ZNF473: variants seen among roughly 807,000 people sequenced by gnomAD.
ZNF473 encodes the protein zinc finger protein 100 homolog.
Under a neutral mutation model 11.1 loss-of-function variants are expected in ZNF473, and 4 were observed. The ratio of observed to expected loss-of-function variants is 0.36; its 90% CI spans 0.18 to 0.82. ZNF473 has a LOEUF of 0.82. ZNF473 is among the 40% of genes least tolerant of loss of function. The pLI is 0.49. For synonymous variants in ZNF473, 404 were observed against 390.4 expected (o/e 1.03, Z -0.41); for missense variants, 854 against 1,084.0 (o/e 0.79, Z 2.98).
chr19:50,037,826 C>T (rs943000298), intron 2 of ZNF473, among the ~76,000 whole-genome samples: 3 of 149,700 alleles, frequency 2.0e-5, no homozygotes, highest in African/African-American at 7.6e-5. Context: ...CTCGCTCGCT[C>T]TCTCTCTCTG....
In ZNF473 at chr19:50,034,432, G is replaced by A. The variant is rs991552639; in HGVS notation, c.9+3341G>A. Among the ~76,000 whole-genome samples, 61 of 151,986 alleles carry A rather than the reference G, an allele frequency of 4.0e-4. 1 individual carries two copies. The highest frequency in any genetic ancestry group is 4.0e-3 in the Admixed American group (61 of 15,250). On this transcript the variant is annotated intron_variant, in intron 2 of 4. Coordinates refer to ENST00000270617, the MANE Select transcript of ZNF473 (RefSeq NM_015428.4). ...AAGTTTTTTTATTGTAAAATCACAGGTGCAGAAATGCACACACATCAAATG... is the reference window on the plus strand; with the variant it reads ...AAGTTTTTTTATTGTAAAATCACAGATGCAGAAATGCACACACATCAAATG...
At position 50,039,225 on chromosome 19, in the gene ZNF473, T is replaced by C. The variant is rs1978638030; in HGVS notation, c.74T>C (p.Leu25Pro). 1.2e-6 allele frequency: 2 copies of C among 1,614,072 alleles called. No individual in the cohort carries two copies. The highest frequency in any genetic ancestry group is 2.2e-5 in the South Asian group (2 of 91,088). The change falls in exon 3 of 5, where the codon CTG becomes CCG. Residue 25 changes from leucine to proline, a missense_variant. Transcript: ENST00000270617. The surrounding 1 kb of genome is among the most constrained non-coding windows in gnomAD (Gnocchi z 4.8). ...TTGGGAGACTGGGAGCAGCTCGGGC[T>C]GGAACAGGGGGACACGTTCTGGGAC... ...FTLGDWEQLG[L>P]EQGDTFWDTA... is the part of the protein sequence containing the mutation.
chr19:50,046,063 A>G lies in ZNF473; in HGVS notation c.1620A>G (p.Glu540=). The stretch of plus-strand genomic sequence containing the variant: ...GCCACGAGAGTGTTCACGCCAGAGA[A>G]AAACAAGGATTTTTTGTGAGTGGGA... ...LKCHESVHAR[E]KQGFFVSGKI... is the part of the protein sequence containing the mutation. The change falls in exon 5 of 5, where the codon GAA becomes GAG. Residue 540 remains glutamate, a synonymous_variant. Transcript: ENST00000270617. This position sits in a 1 kb window ranked among gnomAD's most constrained non-coding sequence, Gnocchi z 5.9. 6.2e-7 allele frequency: 1 copy of G among 1,614,230 alleles called. No homozygotes were observed. Among genetic ancestry groups the G allele is most frequent in the East Asian group, 2.2e-5 (1 of 44,890 alleles).
chr19:50,027,924 G>A (rs903291359), intron 1 of ZNF473, among the ~76,000 whole-genome samples: 1 of 152,112 alleles, frequency 6.6e-6, no homozygotes, highest in Non-Finnish European at 1.5e-5. Context: ...CCAAACTTCA[G>A]GTGATCCGCC....
chr19:50,029,637 C>T (rs59552263), intron 1 of ZNF473, among the ~76,000 whole-genome samples: 7,995 of 152,254 alleles, frequency 0.053, 694 homozygotes, highest in African/African-American at 0.18. Flanking sequence ...ACTTGGTCCA[C>T]GCAGTGGATA....
chr19:50,041,488 G>A (rs936271057), intron 3 of ZNF473: 1 of 322,058 alleles, frequency 3.1e-6, no homozygotes, highest in Non-Finnish European at 5.7e-6. Flanking sequence ...TGTATCCCCA[G>A]CCCCAGCTGT....
At chr19:50,038,191 A>AATTTAT (rs1568407302) in intron 2 of ZNF473, among the ~76,000 whole-genome samples, 9 of 143,072 alleles carry the variant, frequency 6.3e-5, no homozygotes, top group African/African-American at 2.4e-4. Context: ...ATAAATTTAT[A>AATTTAT]AATTTATAAA....
chr19:50,036,811 G>T (rs1159260890), intron 2 of ZNF473, among the ~76,000 whole-genome samples: 1 of 152,134 alleles, frequency 6.6e-6, no homozygotes. Context: ...TCCACCAGCA[G>T]GACGACCCTC....
At position 50,034,972 on chromosome 19, in the gene ZNF473, T is replaced by C. The variant is rs578253330; in HGVS notation, c.9+3881T>C. 1.2e-4 allele frequency among the ~76,000 whole-genome samples: 18 copies of C among 152,308 alleles called. No individual in the cohort carries two copies. The South Asian group carries it at 2.3e-3, about 19-fold the overall frequency. Reference sequence around the variant, plus strand: ...TTGCAAAATGGCGCTATCATTTCTTTTCATGTATTAGTTGGAACACTTTAC... The same window carrying C: ...TTGCAAAATGGCGCTATCATTTCTTCTCATGTATTAGTTGGAACACTTTAC... On this transcript the variant is annotated intron_variant, in intron 2 of 4. Transcript: ENST00000270617.
At position 50,048,509 on chromosome 19, in the gene ZNF473, T is replaced by C. The variant is rs1402126937; in HGVS notation, c.*1450T>C. 6.6e-6 allele frequency: 1 copy of C among 152,212 alleles called. No individual in the cohort carries two copies. The highest frequency in any genetic ancestry group is 2.4e-5 in the African/African-American group (1 of 41,444). The allele number at this position is 152,212 out of a possible 1,614,324, so 9.4% of individuals were successfully genotyped here. On this transcript the variant is annotated 3_prime_UTR_variant, in exon 5 of 5. Coordinates refer to ENST00000270617, the MANE Select transcript of ZNF473 (RefSeq NM_015428.4). ...CTAACCATTGGGGCCTTACACTGTTTTTCAAATGGTTGCAACATTTAACTT... is the reference window on the plus strand; with the variant it reads ...CTAACCATTGGGGCCTTACACTGTTCTTCAAATGGTTGCAACATTTAACTT...
chr19:50,027,192 G>A (rs2077289472), intron 1 of ZNF473, among the ~76,000 whole-genome samples: 1 of 151,990 alleles, frequency 6.6e-6, no homozygotes, highest in Admixed American at 6.6e-5. Context: ...GAGGAATCTG[G>A]GCCAGTTTTT....
intron 1 of ZNF473, among the ~76,000 whole-genome samples, chr19:50,030,616 G>C (rs2077312732): frequency 6.6e-6 from 1 of 152,148 alleles, no homozygotes; most frequent in Non-Finnish European, 1.5e-5. Flanking sequence ...AGACACCTTC[G>C]TTCTGTCAAC....
chr19:50,028,702 T>G (rs765759426), intron 1 of ZNF473, among the ~76,000 whole-genome samples: 1 of 152,124 alleles, frequency 6.6e-6, no homozygotes, highest in Non-Finnish European at 1.5e-5. Flanking sequence ...CCTAGGATGT[T>G]TCAGAAGTTG....
intron 2 of ZNF473, among the ~76,000 whole-genome samples, chr19:50,036,481 T>G (rs1301034808): frequency 3.8e-5 from 3 of 78,524 alleles, no homozygotes; most frequent in Admixed American, 2.2e-4. Flanking sequence ...GCCCAGCTAA[T>G]TTTTTTTTTT....
chr19:50,045,096 T>A lies in ZNF473; in HGVS notation c.653T>A (p.Phe218Tyr). 1 of 1,614,158 alleles carries A rather than the reference T, an allele frequency of 6.2e-7. No individual in the cohort carries two copies. Among genetic ancestry groups the A allele is most frequent in the Non-Finnish European group, 8.5e-7 (1 of 1,180,006 alleles). Reference protein sequence around the residue: ...PYQCSECGKSFSGSYRLTQHW... With the variant: ...PYQCSECGKSYSGSYRLTQHW... ...CAATGTAGTGAATGTGGGAAAAGCT[T>A]CAGTGGGAGTTACCGTCTTACCCAG... The change falls in exon 5 of 5, where the codon TTC (phenylalanine) becomes TAC (tyrosine). Residue 218 changes from phenylalanine (F) to tyrosine (Y), a missense_variant. Phe to Tyr is a conservative substitution (Grantham distance 22). This residue lies in a region of ZNF473 where 668 missense variants were observed against 790.2 expected (regional missense o/e 0.85). Coordinates refer to ENST00000270617, the MANE Select transcript of ZNF473 (RefSeq NM_015428.4).
At chr19:50,027,248 A>G (rs1159995173) in intron 1 of ZNF473, among the ~76,000 whole-genome samples, 1 of 152,196 alleles carries the variant, frequency 6.6e-6, no homozygotes, top group Non-Finnish European at 1.5e-5. Flanking sequence ...ATTCACACTT[A>G]TGAGAACATT....
At chr19:50,040,614 C>A (rs1978714700) in intron 3 of ZNF473, 1 of 152,304 alleles carries the variant, frequency 6.6e-6, no homozygotes, top group South Asian at 2.1e-4. Flanking sequence ...GCAGCAGGGC[C>A]CAGACTCCAG....
rs1393050411 is a variant in ZNF473, at chr19:50,046,341, T to A, written c.1898T>A (p.Leu633His). ...GGGAAAGCCATCAGCAGTGCCTCCCTTATCAAACTTCAGTCCTTCCACACA... is the reference window on the plus strand; with the variant it reads ...GGGAAAGCCATCAGCAGTGCCTCCCATATCAAACTTCAGTCCTTCCACACA... ...EQGKAISSAS[L>H]IKLQSFHTKE... The change falls in exon 5 of 5, where the codon CTT becomes CAT. Residue 633 changes from leucine (L) to histidine (H), a missense_variant. By Grantham distance (99) the Leu-to-His change is moderately conservative (BLOSUM62 -3). Coordinates refer to ENST00000270617, the MANE Select transcript of ZNF473 (RefSeq NM_015428.4). This position sits in a 1 kb window ranked among gnomAD's most constrained non-coding sequence, Gnocchi z 5.9. The A allele has an allele frequency of 6.2e-7, 1 of 1,614,156 alleles. No individual in the cohort carries two copies. Among genetic ancestry groups the A allele is most frequent in the South Asian group, 1.1e-5 (1 of 91,084 alleles).
rs1191867783 is a variant in ZNF473, at chr19:50,039,874, TC to T, written c.136+591del. Among the ~76,000 whole-genome samples the T allele has an allele frequency of 2.0e-5, 3 of 152,146 alleles. No individual in the cohort carries two copies. Among genetic ancestry groups the T allele is most frequent in the African/African-American group, 7.2e-5 (3 of 41,420 alleles). ...GGGAGCTGTGTGAGGACAGGGCGTG[TC>T]CCCAGTGTTTGGAACGAACAGTACC... is the stretch of plus-strand genomic sequence containing the variant. On this transcript the variant is annotated intron_variant, in intron 3 of 4. Transcript: ENST00000270617. This position sits in a 1 kb window ranked among gnomAD's most constrained non-coding sequence, Gnocchi z 4.8.
Sources: allele counts gnomAD v4.1 joint callset (sites outside exome capture counted in the v4.1 genomes callset), GRCh38; gene constraint gnomAD v4.1.1; regional missense constraint gnomAD v4.1.1; non-coding constraint Gnocchi (gnomAD v3.1); transcripts MANE v1.5; gene names NCBI Gene and HGNC (gene_info 2026-07-23, HGNC 2026-07-21).